LRRC4C: variants seen among roughly 807,000 people sequenced by gnomAD.
LRRC4C encodes the protein leucine rich repeat containing 4C.
In LRRC4C, 5 loss-of-function variants were observed where a neutral mutation model predicts 33.6. The ratio of observed to expected loss-of-function variants is 0.15; its 90% CI spans 0.08 to 0.31. The LOEUF is 0.31. LRRC4C is among the 10% of genes least tolerant of loss of function. LRRC4C has a pLI of 1.00. For missense variants in LRRC4C, 560 were observed against 796.7 expected, an observed-to-expected ratio of 0.70 and a Z score of 3.58; for synonymous variants, 329 against 302.0, an observed-to-expected ratio of 1.09 and a Z score of -0.93.
intron 3 of LRRC4C, among the ~76,000 whole-genome samples, chr11:40,623,778 G>A (rs945710938): frequency 9.2e-5 from 14 of 152,034 alleles, no homozygotes; most frequent in Admixed American, 2.6e-4. Context: ...ACTGCACAGG[G>A]AACATGTAAG....
intron 1 of LRRC4C, among the ~76,000 whole-genome samples, chr11:41,075,748 C>A (rs1939103630): frequency 6.6e-6 from 1 of 152,098 alleles, no homozygotes; most frequent in Non-Finnish European, 1.5e-5. Context: ...GCCCTTAATT[C>A]CCTTAAATTT....
intron 1 of LRRC4C, among the ~76,000 whole-genome samples, chr11:41,181,142 T>A (rs999879952): frequency 6.6e-6 from 1 of 152,218 alleles, no homozygotes; most frequent in Non-Finnish European, 1.5e-5. Context: ...AATGTTTTCT[T>A]CTGTGGTTTG....
chr11:40,620,046 G>GA (rs201312061), intron 3 of LRRC4C, among the ~76,000 whole-genome samples: 2,966 of 97,520 alleles, frequency 0.03, 44 homozygotes, highest in South Asian at 0.065. Context: ...AGTTTAAAAG[G>GA]AAAAAATACC....
At chr11:40,514,520 A>G (rs911063182) in intron 3 of LRRC4C, among the ~76,000 whole-genome samples, 2 of 152,188 alleles carry the variant, frequency 1.3e-5, no homozygotes, top group African/African-American at 4.8e-5. Flanking sequence ...AGTACTTAAT[A>G]GAGTAACGGG....
intron 2 of LRRC4C, among the ~76,000 whole-genome samples, chr11:40,836,509 C>A (rs968635808): frequency 6.6e-6 from 1 of 152,106 alleles, no homozygotes; most frequent in Non-Finnish European, 1.5e-5. Flanking sequence ...GATTGAAAAT[C>A]ACTCTTTTAT....
chr11:41,007,664 ATTGTT>A (rs1854862946), intron 1 of LRRC4C, among the ~76,000 whole-genome samples: 1 of 152,152 alleles, frequency 6.6e-6, no homozygotes, highest in Non-Finnish European at 1.5e-5. Flanking sequence ...TAATGGTGAT[ATTGTT>A]TTTAAAAAGG....
At chr11:40,599,447 G>T (rs925023784) in intron 3 of LRRC4C, among the ~76,000 whole-genome samples, 2 of 152,262 alleles carry the variant, frequency 1.3e-5, no homozygotes, top group Admixed American at 6.5e-5. Context: ...GACCCTGTCT[G>T]AAGAATATGG....
chr11:40,429,612 A>G (rs757633353), intron 3 of LRRC4C, among the ~76,000 whole-genome samples: 91 of 152,018 alleles, frequency 6.0e-4, no homozygotes, highest in Non-Finnish European at 8.1e-4. Context: ...GTGGATTTCT[A>G]AAGGTGAGAA....
At chr11:41,250,042 G>T (rs947070308) in intron 1 of LRRC4C, among the ~76,000 whole-genome samples, 1 of 151,854 alleles carries the variant, frequency 6.6e-6, no homozygotes, top group African/African-American at 2.4e-5. Context: ...TGATGGCAGC[G>T]CCTGTAATCC....
At chr11:41,442,037 CATT>C (rs2138537547) in intron 1 of LRRC4C, among the ~76,000 whole-genome samples, 1 of 152,210 alleles carries the variant, frequency 6.6e-6, no homozygotes, top group East Asian at 1.9e-4. Flanking sequence ...ATATAGTTGT[CATT>C]ATACAAAACC....
chr11:40,204,208 G>C (rs972032873), intron 5 of LRRC4C, among the ~76,000 whole-genome samples: 1 of 152,106 alleles, frequency 6.6e-6, no homozygotes, highest in Non-Finnish European at 1.5e-5. Context: ...TGGGATTACA[G>C]ATGTGAGTCC....
At chr11:40,302,950 G>A (rs16934694) in intron 4 of LRRC4C, among the ~76,000 whole-genome samples, 27,078 of 152,092 alleles carry the variant, frequency 0.18, 3,023 homozygotes, top group Admixed American at 0.32. Flanking sequence ...GAACTTAAGG[G>A]AAATGTGTGG....
chr11:41,000,666 G>T (rs1328162644), intron 1 of LRRC4C, among the ~76,000 whole-genome samples: 2 of 152,112 alleles, frequency 1.3e-5, no homozygotes, highest in Admixed American at 6.6e-5. Context: ...CATCCTACTG[G>T]CTGCTCAGCC....
intron 3 of LRRC4C, among the ~76,000 whole-genome samples, chr11:40,424,759 A>G (rs1001455531): frequency 6.6e-6 from 1 of 152,212 alleles, no homozygotes; most frequent in Non-Finnish European, 1.5e-5. Context: ...AATTATATGT[A>G]TATTTGACTA....
chr11:40,985,928 C>G (rs1197018705), intron 1 of LRRC4C, among the ~76,000 whole-genome samples: 2 of 151,880 alleles, frequency 1.3e-5, no homozygotes, highest in Non-Finnish European at 2.9e-5. Flanking sequence ...TAAATTTAAC[C>G]TACTCTCAAG....
intron 1 of LRRC4C, among the ~76,000 whole-genome samples, chr11:41,434,359 A>T (rs1317787941): frequency 1.3e-5 from 2 of 152,080 alleles, no homozygotes; most frequent in Admixed American, 6.6e-5. Flanking sequence ...AAAGCAAAAA[A>T]ATTTGAAAAT....
At chr11:40,204,991 G>A (rs538781560) in intron 5 of LRRC4C, among the ~76,000 whole-genome samples, 1 of 152,272 alleles carries the variant, frequency 6.6e-6, no homozygotes, top group African/African-American at 2.4e-5. Flanking sequence ...GTCTCACTAG[G>A]AATTCTACCC....
chr11:40,197,830 C>T (rs1353831310), intron 5 of LRRC4C, among the ~76,000 whole-genome samples: 1 of 152,148 alleles, frequency 6.6e-6, no homozygotes, highest in Non-Finnish European at 1.5e-5. Flanking sequence ...CAGGATCTAG[C>T]ACAGTACTTC....
intron 1 of LRRC4C, among the ~76,000 whole-genome samples, chr11:40,959,932 T>C (rs1025544383): frequency 6.6e-6 from 1 of 151,730 alleles, no homozygotes; most frequent in Admixed American, 6.6e-5. Flanking sequence ...TTATTTTCAA[T>C]AAGGAATGCA....
Sources: gnomAD v4.1 joint callset for allele counts (sites outside exome capture counted in the v4.1 genomes callset) on GRCh38, gnomAD v4.1.1 for gene constraint, MANE v1.5 for transcripts, NCBI Gene and HGNC (gene_info 2026-07-23, HGNC 2026-07-21) for gene names.